The following SLC8A1 variants were observed in gnomAD, a reference collection of about 807,000 sequenced individuals.
The protein encoded by SLC8A1 is sodium/calcium exchanger 1.
In SLC8A1, 18 loss-of-function variants were observed where a neutral mutation model predicts 68.3. That is an observed-to-expected ratio of 0.26 (90% CI 0.18 to 0.39). The LOEUF (loss-of-function observed/expected upper bound fraction) is 0.39, where lower values mean the gene tolerates loss of function less well. Among genes scored for constraint, SLC8A1 ranks in the 10% least tolerant of loss-of-function variants. The pLI is 1.00. For missense variants in SLC8A1, 985 were observed against 1,156.7 expected, an observed-to-expected ratio of 0.85 and a Z score of 2.15; for synonymous variants, 475 against 415.5, an observed-to-expected ratio of 1.14 and a Z score of -1.74.
At chr2:40,117,397 A>G (rs868378374) in intron 7 of SLC8A1, among the ~76,000 whole-genome samples, 18,803 of 122,368 alleles carry the variant, frequency 0.15, 1,748 homozygotes, top group East Asian at 0.47. Context: ...AAATACAAAA[A>G]AAAAAAAAAA....
At chr2:40,421,786 G>A (rs943824866) in intron 2 of SLC8A1, among the ~76,000 whole-genome samples, 2 of 152,150 alleles carry the variant, frequency 1.3e-5, no homozygotes, top group African/African-American at 2.4e-5. Context: ...AAAAAGAATT[G>A]TTTATTTAGC....
chr2:40,485,462 A>G (rs900615314), intron 1 of SLC8A1, among the ~76,000 whole-genome samples: 12 of 152,308 alleles, frequency 7.9e-5, no homozygotes, highest in African/African-American at 2.6e-4. Flanking sequence ...TTCTTTTAAG[A>G]CTATTCCCTA....
intron 1 of SLC8A1, among the ~76,000 whole-genome samples, chr2:40,482,422 G>A (rs889226102): frequency 1.3e-5 from 2 of 152,110 alleles, no homozygotes; most frequent in African/African-American, 4.8e-5. Context: ...ATTTTGCCAA[G>A]CATATGGCCA....
chr2:40,246,946 A>AAAAAGAATAT (rs1389799219), intron 2 of SLC8A1, among the ~76,000 whole-genome samples: 5 of 12,330 alleles, frequency 4.1e-4, no homozygotes, highest in African/African-American at 1.3e-3. Context: ...TGCTAAAAAA[A>AAAAAGAATAT]AAAAGAATAT....
At chr2:40,306,338 T>C (rs1248653665) in intron 2 of SLC8A1, among the ~76,000 whole-genome samples, 2 of 152,022 alleles carry the variant, frequency 1.3e-5, no homozygotes, top group Non-Finnish European at 2.9e-5. Context: ...TGGTTATTTA[T>C]CTTAATATAG....
chr2:40,339,041 A>T (rs1205936226), intron 2 of SLC8A1, among the ~76,000 whole-genome samples: 1 of 152,240 alleles, frequency 6.6e-6, no homozygotes, highest in Non-Finnish European at 1.5e-5. Context: ...AATAAAAATA[A>T]GACAACCCAC....
chr2:40,458,003 T>C (rs1042320768), intron 1 of SLC8A1, among the ~76,000 whole-genome samples: 3 of 152,208 alleles, frequency 2.0e-5, no homozygotes, highest in African/African-American at 4.8e-5. Context: ...TTAGACATTC[T>C]GCCTCTATTG....
At chr2:40,379,655 T>TC (rs1681075439) in intron 2 of SLC8A1, among the ~76,000 whole-genome samples, 1 of 150,768 alleles carries the variant, frequency 6.6e-6, no homozygotes, top group African/African-American at 2.4e-5. Flanking sequence ...TTTTTTTTTT[T>TC]CCCTGCAGAG....
rs13419749 is a variant in SLC8A1 at position 40,411,423 on chromosome 2, C to A, written c.1808+17050G>T. On this transcript the variant is annotated intron_variant, in intron 2 of 7. Coordinates refer to ENST00000406785, the Ensembl canonical transcript of SLC8A1. ...ATTCAGGCAGATTCTCTTAAAATAG[C>A]TTTGTGAAAGTTATTATAAGCCTTA... 2.2e-3 allele frequency among the ~76,000 whole-genome samples: 335 copies of A among 152,076 alleles called. 2 individuals are homozygous for A. Among genetic ancestry groups the A allele is most frequent in the African/African-American group, 7.9e-3 (329 of 41,526 alleles).
chr2:40,371,371 G>A (rs1402778796), intron 2 of SLC8A1, among the ~76,000 whole-genome samples: 1 of 152,072 alleles, frequency 6.6e-6, no homozygotes, highest in African/African-American at 2.4e-5. Flanking sequence ...ATGGTGTTAG[G>A]CAGAGGCCAG....
intron 2 of SLC8A1, among the ~76,000 whole-genome samples, chr2:40,336,744 ATT>A: frequency 6.6e-6 from 1 of 152,200 alleles, no homozygotes; most frequent in South Asian, 2.1e-4. Flanking sequence ...ATGCCTTAAT[ATT>A]TTTATTCATG....
At chr2:40,234,662 A>G (rs1239651671) in intron 2 of SLC8A1, among the ~76,000 whole-genome samples, 1 of 152,230 alleles carries the variant, frequency 6.6e-6, no homozygotes, top group African/African-American at 2.4e-5. Flanking sequence ...GAGAGAGGGC[A>G]TCCCTGTCTT....
At chr2:40,491,558 G>T (rs1446599073) in intron 1 of SLC8A1, among the ~76,000 whole-genome samples, 4 of 152,066 alleles carry the variant, frequency 2.6e-5, no homozygotes, top group African/African-American at 4.8e-5. Context: ...TCCCTGTCTT[G>T]TGCCAGTTTT....
intron 2 of SLC8A1, among the ~76,000 whole-genome samples, chr2:40,198,099 C>A (rs2053440144): frequency 6.6e-6 from 1 of 151,854 alleles, no homozygotes; most frequent in African/African-American, 2.4e-5. Context: ...GAAGGACTTG[C>A]CAACTCTGGT....
At chr2:40,410,039 A>G (rs1300499202) in intron 2 of SLC8A1, among the ~76,000 whole-genome samples, 1 of 152,116 alleles carries the variant, frequency 6.6e-6, no homozygotes, top group East Asian at 1.9e-4. Context: ...AATACAGGGA[A>G]AAAAGGGGGC....
At chr2:40,104,552 C>T (rs750401851) in exon 8 of SLC8A1, 3 of 152,082 alleles carry the variant, frequency 2.0e-5, no homozygotes, top group African/African-American at 4.8e-5. Context: ...CCCCATTAAG[C>T]AATCTCAAAT....
intron 1 of SLC8A1, among the ~76,000 whole-genome samples, chr2:40,471,245 C>A (rs1483893718): frequency 6.6e-6 from 1 of 152,166 alleles, no homozygotes; most frequent in Non-Finnish European, 1.5e-5. Flanking sequence ...CATTCAGCTC[C>A]TAAGCAGGGC....
rs78977523 is a variant in SLC8A1 at position 40,157,907 on chromosome 2, C to T, written c.2161+2858G>A. On this transcript the variant is annotated intron_variant, in intron 6 of 7. Coordinates refer to ENST00000406785, the Ensembl canonical transcript of SLC8A1. Reference sequence around the variant, plus strand: ...TATGGAATTAAAAGAACTGGGTTGGCAGAATCATTATGGTCACAGGAGGCC... The same window carrying T: ...TATGGAATTAAAAGAACTGGGTTGGTAGAATCATTATGGTCACAGGAGGCC... 6.5e-3 allele frequency among the ~76,000 whole-genome samples: 989 copies of T among 152,212 alleles called. 3 individuals are homozygous for T. Among genetic ancestry groups the T allele is most frequent in the Non-Finnish European group, 7.8e-3 (532 of 68,026 alleles).
chr2:40,240,331 A>G (rs1013127015), intron 2 of SLC8A1, among the ~76,000 whole-genome samples: 1 of 152,168 alleles, frequency 6.6e-6, no homozygotes, highest in Non-Finnish European at 1.5e-5. Context: ...AGTGTGTCAT[A>G]CAGTGATGAG....
Sources: gnomAD v4.1 joint callset for allele counts (sites outside exome capture counted in the v4.1 genomes callset) on GRCh38, gnomAD v4.1.1 for gene constraint, MANE v1.5 for transcripts, NCBI Gene and HGNC (gene_info 2026-07-23, HGNC 2026-07-21) for gene names.